Variants in EXOC6 observed in about 807,000 individuals in gnomAD.
The protein encoded by EXOC6 is SEC15-like 1.
Under a neutral mutation model 112.5 loss-of-function variants are expected in EXOC6, and 60 were observed. That is an observed-to-expected ratio of 0.53 (90% CI 0.43 to 0.66). The LOEUF is 0.66. EXOC6 is among the 30% of genes least tolerant of loss of function. The pLI is 0.00. For synonymous variants in EXOC6, 295 were observed against 308.0 expected (o/e 0.96, Z 0.44); for missense variants, 855 against 957.1 (o/e 0.89, Z 1.41).
At chr10:92,981,005 C>T (rs1417994283) in intron 18 of EXOC6, among the ~76,000 whole-genome samples, 5 of 151,940 alleles carry the variant, frequency 3.3e-5, no homozygotes, top group Admixed American at 6.6e-5. Flanking sequence ...CCAGCCTGGG[C>T]GACAGAGCAC....
intron 4 of EXOC6, among the ~76,000 whole-genome samples, chr10:92,895,997 TTA>T (rs551542653): frequency 2.8e-5 from 4 of 143,786 alleles, no homozygotes; most frequent in Admixed American, 1.4e-4. Flanking sequence ...ATGTTTTATA[TTA>T]TATATATATG....
Position 93,052,341 on chromosome 10 carries a change from A to T in EXOC6, c.2170-4583A>T, listed in dbSNP as rs559899035. Among the ~76,000 whole-genome samples the T allele has an allele frequency of 2.0e-5, 3 of 152,342 alleles. No homozygotes were observed. The South Asian group carries it at 6.2e-4, about 32-fold the overall frequency. On this transcript the variant is annotated intron_variant, in intron 20 of 21. Transcript: ENST00000260762. ...TCTGTAGGATGGGAAACTGTCAGCA[A>T]GCTAAATGGGTTGACACAAATGAAT...
intron 5 of EXOC6, among the ~76,000 whole-genome samples, chr10:92,907,116 T>TA (rs1850486506): frequency 6.6e-6 from 1 of 152,176 alleles, no homozygotes; most frequent in Admixed American, 6.5e-5. Context: ...GAGTCTGAGG[T>TA]AAAAATCATG....
At chr10:92,838,622 G>C (rs988070693) in intron 1 of EXOC6, among the ~76,000 whole-genome samples, 2 of 152,214 alleles carry the variant, frequency 1.3e-5, no homozygotes, top group Admixed American at 1.3e-4. Flanking sequence ...GCCAACTATA[G>C]AGTTTGAATT....
intron 20 of EXOC6, among the ~76,000 whole-genome samples, chr10:93,035,452 A>T (rs893308617): frequency 6.6e-6 from 1 of 152,240 alleles, no homozygotes; most frequent in Admixed American, 6.5e-5. Flanking sequence ...AAATTTCTTA[A>T]AAGTACTATA....
chr10:92,946,822 A>G (rs1853045954), intron 13 of EXOC6, among the ~76,000 whole-genome samples: 1 of 152,170 alleles, frequency 6.6e-6, no homozygotes, highest in Admixed American at 6.5e-5. Flanking sequence ...TTTCATCTGT[A>G]AAGACCCTAC....
intron 1 of EXOC6, among the ~76,000 whole-genome samples, chr10:92,857,348 C>T (rs1847652110): frequency 6.6e-6 from 1 of 151,990 alleles, no homozygotes; most frequent in South Asian, 2.1e-4. Flanking sequence ...AAATGTTACT[C>T]TTATATAGCT....
In EXOC6 at chr10:92,849,103, C is replaced by A. The variant is rs532782003; in HGVS notation, c.101+469C>A. ...CGCGCGGGTGGAAAGCCTGGCGCGC[C>A]GGGCTGCCGCGGGCGTGGGAGAATT... On this transcript the variant is annotated intron_variant, in intron 1 of 21. Coordinates refer to ENST00000260762, the MANE Select transcript of EXOC6 (RefSeq NM_019053.6). 7.2e-5 allele frequency among the ~76,000 whole-genome samples: 11 copies of A among 152,190 alleles called. 1 individual carries two copies. In the South Asian group the frequency reaches 2.1e-3, roughly 29 times the overall value.
rs552958828 is a variant in EXOC6, at chr10:92,885,085, A to G, written c.102-8264A>G. 2.4e-4 allele frequency among the ~76,000 whole-genome samples: 36 copies of G among 152,290 alleles called. 1 individual carries two copies. In the South Asian group the frequency reaches 7.5e-3, roughly 32 times the overall value. Reference sequence around the variant, plus strand: ...TTTTACTACCACTAGGTGGAGCCCTAAACACACAATTCAAGAAAGTATCTC... The same window carrying G: ...TTTTACTACCACTAGGTGGAGCCCTGAACACACAATTCAAGAAAGTATCTC... On this transcript the variant is annotated intron_variant, in intron 1 of 21. Transcript: ENST00000260762.
chr10:92,911,901 TTCTCTCTCTC>T (rs113097452), intron 6 of EXOC6, among the ~76,000 whole-genome samples: 245 of 140,014 alleles, frequency 1.7e-3, no homozygotes, highest in African/African-American at 6.0e-3. Context: ...TCTTGTGGGT[TTCTCTCTCTC>T]TCTCTCTCTC....
intron 19 of EXOC6, among the ~76,000 whole-genome samples, chr10:93,008,894 T>G (rs1292606793): frequency 1.3e-5 from 2 of 152,216 alleles, no homozygotes; most frequent in Non-Finnish European, 2.9e-5. Flanking sequence ...ATGTTCTTGA[T>G]TTGCACTGTT....
At chr10:92,976,872 A>G (rs1484698514) in intron 18 of EXOC6, among the ~76,000 whole-genome samples, 2 of 152,198 alleles carry the variant, frequency 1.3e-5, no homozygotes, top group Non-Finnish European at 2.9e-5. Context: ...ACATTTGGAT[A>G]TAAAGAAGCT....
At chr10:92,966,223 A>G (rs533564841) in intron 17 of EXOC6, among the ~76,000 whole-genome samples, 28 of 151,178 alleles carry the variant, frequency 1.9e-4, no homozygotes, top group Non-Finnish European at 3.4e-4. Flanking sequence ...TCCTTTTAGA[A>G]AGTGGTGTTT....
At chr10:92,934,073 A>G in intron 9 of EXOC6, 71 bp from the exon 10 acceptor site, 1 of 888,600 alleles carries the variant, frequency 1.1e-6, no homozygotes. Context: ...ATGAAGTTGT[A>G]GTGACTTGGA....
chr10:92,975,604 G>C (rs1313176390), intron 18 of EXOC6, among the ~76,000 whole-genome samples: 1 of 145,290 alleles, frequency 6.9e-6, no homozygotes, highest in Non-Finnish European at 1.5e-5. Flanking sequence ...CGCCCCGTCC[G>C]GGAGGGAGGT....
At chr10:92,946,807 A>AT (rs935055787) in intron 13 of EXOC6, among the ~76,000 whole-genome samples, 2 of 151,886 alleles carry the variant, frequency 1.3e-5, no homozygotes, top group African/African-American at 4.8e-5. Flanking sequence ...CTCTTTAGAA[A>AT]TTTTTTTCAT....
chr10:93,000,719 T>G lies in EXOC6; in HGVS notation c.2095+3104T>G, dbSNP rs1419248079. 2.0e-5 allele frequency among the ~76,000 whole-genome samples: 3 copies of G among 152,314 alleles called. No homozygotes were observed. In the East Asian group the frequency reaches 5.8e-4, roughly 29 times the overall value. On this transcript the variant is annotated intron_variant, in intron 19 of 21. Coordinates refer to ENST00000260762, the MANE Select transcript of EXOC6 (RefSeq NM_019053.6). ...ATCATTACTTCTGAATACAGTAACATGCATTTACTACTGATGGGACAAAAA... is the reference window on the plus strand; with the variant it reads ...ATCATTACTTCTGAATACAGTAACAGGCATTTACTACTGATGGGACAAAAA...
At chr10:93,023,592 AT>A (rs1416558705) in intron 20 of EXOC6, among the ~76,000 whole-genome samples, 2 of 151,924 alleles carry the variant, frequency 1.3e-5, no homozygotes, top group East Asian at 1.9e-4. Flanking sequence ...GTTCGTGTAA[AT>A]TTTTTTTACA....
chr10:92,980,851 T>G (rs137933479), intron 18 of EXOC6, among the ~76,000 whole-genome samples: 34 of 152,296 alleles, frequency 2.2e-4, no homozygotes, highest in Non-Finnish European at 4.1e-4. Flanking sequence ...AAAATCACCT[T>G]TATCTTGTTA....
Sources: allele counts gnomAD v4.1 joint callset (sites outside exome capture counted in the v4.1 genomes callset), GRCh38; gene constraint gnomAD v4.1.1; transcripts MANE v1.5; gene names NCBI Gene and HGNC (gene_info 2026-07-23, HGNC 2026-07-21).